The following FSTL4 variants were observed in gnomAD, a reference collection of about 807,000 sequenced individuals.
FSTL4 encodes the protein follistatin-related protein 4.
In FSTL4, 28 loss-of-function variants were observed where a neutral mutation model predicts 78.2. That is an observed-to-expected ratio of 0.36 (90% confidence interval 0.27 to 0.49). The LOEUF (loss-of-function observed/expected upper bound fraction) is 0.49, where lower values mean the gene tolerates loss of function less well. Among genes scored for constraint, FSTL4 ranks in the 20% least tolerant of loss-of-function variants. FSTL4 has a pLI of 0.98. For synonymous variants in FSTL4, 422 were observed against 440.5 expected (o/e 0.96, Z 0.53); for missense variants, 922 against 1,084.9 (o/e 0.85, Z 2.11).
chr5:133,262,763 G>A (rs1165385852), intron 6 of FSTL4, among the ~76,000 whole-genome samples: 4 of 152,300 alleles, frequency 2.6e-5, no homozygotes, highest in African/African-American at 9.6e-5. Context: ...GAGGCCCCCA[G>A]CTGACTTCCC....
At chr5:133,708,679 A>G in the FSTL4 span, among the ~76,000 whole-genome samples, 14 of 152,226 alleles carry the variant, frequency 9.2e-5, no homozygotes, top group Non-Finnish European at 1.6e-4. Context: ...CTGCAACTCT[A>G]TCTCCTGACA....
At chr5:133,544,548 G>A (rs977036854) in intron 3 of FSTL4, among the ~76,000 whole-genome samples, 2 of 152,148 alleles carry the variant, frequency 1.3e-5, no homozygotes, top group African/African-American at 2.4e-5. Context: ...GAAAACACAC[G>A]AGATGAGCAC....
chr5:133,668,926 A>T, the FSTL4 span, among the ~76,000 whole-genome samples: 1 of 152,234 alleles, frequency 6.6e-6, no homozygotes, highest in Admixed American at 6.5e-5. Context: ...TCCAAGTTTC[A>T]TTCACTCTTA....
intron 6 of FSTL4, among the ~76,000 whole-genome samples, chr5:133,311,176 A>G (rs771577941): frequency 5.3e-5 from 8 of 152,184 alleles, no homozygotes; most frequent in Non-Finnish European, 1.0e-4. Context: ...GCTCTCATGA[A>G]CCAGGTGTGG....
At chr5:133,313,507 T>C (rs1435189929) in intron 5 of FSTL4, among the ~76,000 whole-genome samples, 1 of 152,202 alleles carries the variant, frequency 6.6e-6, no homozygotes, top group Admixed American at 6.5e-5. Flanking sequence ...GGGTAGAAAT[T>C]CTAGGCACCC....
intron 2 of FSTL4, among the ~76,000 whole-genome samples, chr5:133,580,569 G>T (rs1760379180): frequency 6.6e-6 from 1 of 152,212 alleles, no homozygotes; most frequent in Admixed American, 6.5e-5. Context: ...AATGAAACAA[G>T]GAAGGGGGAT....
intron 4 of FSTL4, among the ~76,000 whole-genome samples, chr5:133,357,638 A>T (rs17628229): frequency 2.6e-5 from 4 of 152,028 alleles, no homozygotes; most frequent in African/African-American, 9.7e-5. Context: ...TTTGCTTCCA[A>T]ACCTACAGGG....
intron 4 of FSTL4, among the ~76,000 whole-genome samples, chr5:133,352,331 C>CAT (rs143228488): frequency 0.19 from 19,606 of 100,626 alleles, 1,929 homozygotes; most frequent in African/African-American, 0.41. Context: ...TATATACACA[C>CAT]ATATATATAT....
chr5:133,644,242 A>G, the FSTL4 span, among the ~76,000 whole-genome samples: 1 of 152,188 alleles, frequency 6.6e-6, no homozygotes, highest in Non-Finnish European at 1.5e-5. Context: ...TGTGCTAAAA[A>G]AGACCATTCC....
At chr5:133,414,442 C>G (rs1756537707) in intron 3 of FSTL4, among the ~76,000 whole-genome samples, 1 of 151,504 alleles carries the variant, frequency 6.6e-6, no homozygotes, top group Non-Finnish European at 1.5e-5. Flanking sequence ...CGGAAGGACC[C>G]TGGGATTTGT....
intron 3 of FSTL4, among the ~76,000 whole-genome samples, chr5:133,562,466 C>T (rs924792922): frequency 6.6e-6 from 1 of 152,152 alleles, no homozygotes; most frequent in African/African-American, 2.4e-5. Flanking sequence ...GTTTCACACT[C>T]GGGACTGGCA....
chr5:133,778,633 T>G, the FSTL4 span, among the ~76,000 whole-genome samples: 1 of 152,284 alleles, frequency 6.6e-6, no homozygotes, highest in Admixed American at 6.5e-5. Flanking sequence ...ACCGAGGCTG[T>G]GACAGAGCAG....
chr5:133,367,890 T>G (rs1203581689), intron 4 of FSTL4, among the ~76,000 whole-genome samples: 2 of 152,254 alleles, frequency 1.3e-5, no homozygotes, highest in East Asian at 3.8e-4. Flanking sequence ...TAACACAGTT[T>G]CACATTTCAT....
At chr5:133,764,307 G>A in the FSTL4 span, among the ~76,000 whole-genome samples, 1 of 152,144 alleles carries the variant, frequency 6.6e-6, no homozygotes. Context: ...GAGCAGCCCA[G>A]GTTCAAGTTC....
chr5:133,222,450 G>GA (rs1461657244), intron 11 of FSTL4, among the ~76,000 whole-genome samples: 1 of 152,106 alleles, frequency 6.6e-6, no homozygotes, highest in Non-Finnish European at 1.5e-5. Context: ...TCTTTCACCT[G>GA]ACAAACTGCT....
At chr5:133,553,838 T>C (rs1393785298) in intron 3 of FSTL4, among the ~76,000 whole-genome samples, 1 of 152,114 alleles carries the variant, frequency 6.6e-6, no homozygotes, top group Non-Finnish European at 1.5e-5. Context: ...GCTAAGTCTC[T>C]GGGATATGTT....
intron 4 of FSTL4, among the ~76,000 whole-genome samples, chr5:133,349,295 C>CTCTGTGTGTGTGTGTGTGTG (rs11269337): frequency 5.4e-4 from 75 of 139,770 alleles, no homozygotes; most frequent in East Asian, 4.5e-3. Flanking sequence ...GCCTCTCTCT[C>CTCTGTGTGTGTGTGTGTGTG]TGTGTGTGTG....
chr5:133,803,518 A>T, the FSTL4 span, among the ~76,000 whole-genome samples: 1 of 152,186 alleles, frequency 6.6e-6, no homozygotes, highest in Admixed American at 6.5e-5. Context: ...CCCCAAGTCC[A>T]AGAGCACCTC....
chr5:133,574,410 C>T (rs1670884461), intron 2 of FSTL4, among the ~76,000 whole-genome samples: 1 of 152,208 alleles, frequency 6.6e-6, no homozygotes, highest in African/African-American at 2.4e-5. Flanking sequence ...TATGGAGAGG[C>T]TCCTCCCCTG....
Sources: allele counts gnomAD v4.1 joint callset (sites outside exome capture counted in the v4.1 genomes callset), GRCh38; gene constraint gnomAD v4.1.1; transcripts MANE v1.5; gene names NCBI Gene and HGNC (gene_info 2026-07-23, HGNC 2026-07-21).